The following FAM78B variants were observed in gnomAD, a reference collection of about 807,000 sequenced individuals.
The protein encoded by FAM78B is family with sequence similarity 78 member B.
In FAM78B, 10 loss-of-function variants were observed where a neutral mutation model predicts 20.0. The ratio of observed to expected loss-of-function variants is 0.50; its 90% CI spans 0.31 to 0.85. The LOEUF is 0.85. FAM78B is among the 40% of genes least tolerant of loss of function. FAM78B has a pLI of 0.05. For synonymous variants in FAM78B, 135 were observed against 132.8 expected (o/e 1.02, Z -0.12); for missense variants, 283 against 345.0 (o/e 0.82, Z 1.42).
At chr1:166,154,015 A>T (rs976338904) in intron 1 of FAM78B, among the ~76,000 whole-genome samples, 1 of 152,170 alleles carries the variant, frequency 6.6e-6, no homozygotes, top group Admixed American at 6.5e-5. Flanking sequence ...AATTGACTGA[A>T]ACCAACTAAA....
chr1:166,086,051 T>G (rs1652815248), intron 1 of FAM78B, among the ~76,000 whole-genome samples: 1 of 151,686 alleles, frequency 6.6e-6, no homozygotes, highest in Non-Finnish European at 1.5e-5. Flanking sequence ...ATAGTAACCT[T>G]CAAAGTAGGT....
intron 1 of FAM78B, among the ~76,000 whole-genome samples, chr1:166,089,505 A>AG (rs947481684): frequency 2.6e-5 from 4 of 152,094 alleles, no homozygotes; most frequent in Admixed American, 2.6e-4. Context: ...GAAAAAGCAG[A>AG]GGGCTCTAGG....
At chr1:166,155,099 G>C (rs1655842283) in intron 1 of FAM78B, among the ~76,000 whole-genome samples, 2 of 152,202 alleles carry the variant, frequency 1.3e-5, no homozygotes, top group African/African-American at 4.8e-5. Context: ...GCAGCTGAGT[G>C]AACCAGGCAG....
At chr1:166,127,018 G>C (rs1654669813) in intron 1 of FAM78B, among the ~76,000 whole-genome samples, 1 of 152,206 alleles carries the variant, frequency 6.6e-6, no homozygotes, top group African/African-American at 2.4e-5. Context: ...ACCTGATTCT[G>C]TTATGGTAGA....
intron 1 of FAM78B, among the ~76,000 whole-genome samples, chr1:166,076,044 T>C (rs1157030168): frequency 1.3e-5 from 2 of 152,192 alleles, no homozygotes; most frequent in Admixed American, 6.5e-5. Flanking sequence ...CAAGCTAGAG[T>C]TGTCTCTCTT....
chr1:166,081,140 C>G (rs78560889), intron 1 of FAM78B: 1 of 152,210 alleles, frequency 6.6e-6, no homozygotes. Context: ...TTCTTTTTGG[C>G]GCACAAGGAG....
At position 166,142,311 on chromosome 1, in the gene FAM78B, C is replaced by T. The variant is rs189347757; in HGVS notation, c.263+23675G>A. On this transcript the variant is annotated intron_variant, in intron 1 of 1. Transcript: ENST00000354422. ...AAATCTACTTCCAACCTAGACTCTC[C>T]CAGACTCTCCCTGTGCCCTAAGTCT... Among the ~76,000 whole-genome samples, 23 of 152,264 alleles carry T rather than the reference C, an allele frequency of 1.5e-4. No individual in the cohort carries two copies. In the East Asian group the frequency reaches 2.1e-3, roughly 14 times the overall value.
rs1655463237 is a variant in FAM78B, at chr1:166,146,580, C to A, written c.263+19406G>T. On this transcript the variant is annotated intron_variant, in intron 1 of 1. Coordinates refer to ENST00000354422, the MANE Select transcript of FAM78B (RefSeq NM_001017961.5). ...GGTCAGAGCTCTACTAGGCCAAGGG[C>A]AAGGGGGGTCTGAGGTTGCCTATGG... 2.0e-5 allele frequency among the ~76,000 whole-genome samples: 3 copies of A among 152,078 alleles called. No homozygotes were observed. The South Asian group carries it at 6.2e-4, about 31-fold the overall frequency.
At chr1:166,140,228 C>A (rs2101787987) in intron 1 of FAM78B, among the ~76,000 whole-genome samples, 1 of 152,370 alleles carries the variant, frequency 6.6e-6, no homozygotes, top group Non-Finnish European at 1.5e-5. Context: ...TCCCGTAGCA[C>A]AATCCACCGC....
chr1:166,064,990 C>T (rs1044046247), downstream of FAM78B, among the ~76,000 whole-genome samples: 1 of 152,216 alleles, frequency 6.6e-6, no homozygotes, highest in Non-Finnish European at 1.5e-5. Flanking sequence ...GAGCACCCAA[C>T]TGGGCCTCCC....
At chr1:166,125,328 A>G (rs1248623319) in intron 1 of FAM78B, among the ~76,000 whole-genome samples, 1 of 151,990 alleles carries the variant, frequency 6.6e-6, no homozygotes, top group East Asian at 1.9e-4. Flanking sequence ...GAGTCTAATA[A>G]CCTGCCTCAA....
At chr1:166,142,770 C>T (rs1320983848) in intron 1 of FAM78B, among the ~76,000 whole-genome samples, 1 of 152,130 alleles carries the variant, frequency 6.6e-6, no homozygotes, top group African/African-American at 2.4e-5. Context: ...GGTAATGGGT[C>T]GTAAAAAGTG....
chr1:166,154,668 G>T, intron 1 of FAM78B: 1 of 516,248 alleles, frequency 1.9e-6, no homozygotes, highest in South Asian at 1.5e-5. Flanking sequence ...TGAAAAAACA[G>T]GGGGAGGTGA....
intron 1 of FAM78B, among the ~76,000 whole-genome samples, chr1:166,133,601 T>TAAAA (rs5778486): frequency 2.7e-5 from 4 of 148,692 alleles, no homozygotes; most frequent in Non-Finnish European, 4.5e-5. Flanking sequence ...TGAGCAATCT[T>TAAAA]AAAAAAAAAA....
chr1:166,163,591 T>C (rs547480914), intron 1 of FAM78B, among the ~76,000 whole-genome samples: 1 of 152,370 alleles, frequency 6.6e-6, no homozygotes, highest in South Asian at 2.1e-4. Context: ...CACTCCATGC[T>C]ATTTTTTACA....
chr1:166,085,657 C>T (rs775326753), intron 1 of FAM78B, among the ~76,000 whole-genome samples: 3 of 152,224 alleles, frequency 2.0e-5, no homozygotes, highest in Non-Finnish European at 2.9e-5. Context: ...TTCTATCAGA[C>T]AGCATTCTTG....
chr1:166,132,373 C>A (rs2101780278), intron 1 of FAM78B, among the ~76,000 whole-genome samples: 1 of 152,218 alleles, frequency 6.6e-6, no homozygotes, highest in Admixed American at 6.5e-5. Flanking sequence ...ACGGTGTGAT[C>A]CTGGGAAAGT....
At chr1:166,142,843 TAAG>T (rs1419523333) in intron 1 of FAM78B, among the ~76,000 whole-genome samples, 2 of 152,208 alleles carry the variant, frequency 1.3e-5, no homozygotes, top group Middle Eastern at 3.2e-3. Flanking sequence ...AAGGGTTAAT[TAAG>T]AAGGAATTGT....
At chr1:166,081,010 G>C (rs559765256) in intron 1 of FAM78B, among the ~76,000 whole-genome samples, 1 of 152,336 alleles carries the variant, frequency 6.6e-6, no homozygotes, top group East Asian at 1.9e-4. Flanking sequence ...TGATTACAGA[G>C]TAAGTGTTAA....
Sources: allele counts gnomAD v4.1 joint callset (sites outside exome capture counted in the v4.1 genomes callset), GRCh38; gene constraint gnomAD v4.1.1; transcripts MANE v1.5; gene names NCBI Gene and HGNC (gene_info 2026-07-23, HGNC 2026-07-21).